ASIC2: variants seen among roughly 807,000 people sequenced by gnomAD.
The protein encoded by ASIC2 is acid sensing ion channel subunit 2.
ASIC2 carries 25 observed loss-of-function variants against 57.3 expected under a neutral mutation model. The observed-to-expected ratio is 0.44, with a 90% CI of 0.32 to 0.61. The LOEUF (loss-of-function observed/expected upper bound fraction) is 0.61, where lower values mean the gene tolerates loss of function less well. Ranked by LOEUF, ASIC2 falls within the 20% of genes least tolerant of loss-of-function variation. The pLI is 0.06. For synonymous variants in ASIC2, 319 were observed against 307.5 expected (o/e 1.04, Z -0.39); for missense variants, 641 against 738.1 (o/e 0.87, Z 1.52).
At chr17:34,099,721 A>G (rs1382666210) in intron 1 of ASIC2, among the ~76,000 whole-genome samples, 5 of 123,314 alleles carry the variant, frequency 4.1e-5, no homozygotes, top group African/African-American at 1.2e-4. Context: ...AAAGAAAGAA[A>G]GAAGGAAAGA....
intron 1 of ASIC2, among the ~76,000 whole-genome samples, chr17:34,085,447 T>G (rs1442578848): frequency 6.6e-6 from 1 of 152,236 alleles, no homozygotes; most frequent in Non-Finnish European, 1.5e-5. Context: ...TGCCAGTATT[T>G]TATTGACGAT....
At chr17:33,394,852 A>G (rs1910020122) in intron 1 of ASIC2, among the ~76,000 whole-genome samples, 1 of 152,090 alleles carries the variant, frequency 6.6e-6, no homozygotes, top group Non-Finnish European at 1.5e-5. Flanking sequence ...AAAAGACTAA[A>G]TTTCTACTCT....
intron 1 of ASIC2, among the ~76,000 whole-genome samples, chr17:33,913,928 A>C (rs1337316286): frequency 6.6e-6 from 1 of 152,210 alleles, no homozygotes; most frequent in African/African-American, 2.4e-5. Flanking sequence ...CATTAATTCT[A>C]TTTTATAAAT....
chr17:33,397,547 A>G (rs1027360437), intron 1 of ASIC2, among the ~76,000 whole-genome samples: 2 of 152,170 alleles, frequency 1.3e-5, no homozygotes, highest in Non-Finnish European at 2.9e-5. Flanking sequence ...ACTTAGAAGA[A>G]TGATATAGAC....
At chr17:34,068,323 T>C (rs1909249894) in intron 1 of ASIC2, among the ~76,000 whole-genome samples, 1 of 152,144 alleles carries the variant, frequency 6.6e-6, no homozygotes, top group Non-Finnish European at 1.5e-5. Flanking sequence ...TTTTTCTGGG[T>C]TACAGGGAAG....
At chr17:33,053,587 C>T (rs2141930987) in intron 3 of ASIC2, among the ~76,000 whole-genome samples, 1 of 152,294 alleles carries the variant, frequency 6.6e-6, no homozygotes, top group East Asian at 1.9e-4. Flanking sequence ...CTTAACTGGC[C>T]TTTGTCTCGT....
rs139826123 is a variant in ASIC2 at position 33,330,437 on chromosome 17, G to A, written c.556-218370C>T. Among the ~76,000 whole-genome samples, 41 of 152,250 alleles carry A rather than the reference G, an allele frequency of 2.7e-4. No homozygotes were observed. In the South Asian group the frequency reaches 2.9e-3, roughly 11 times the overall value. ...CCAGGATCAGAAGAATAAAGTCTGC[G>A]TGTATTGAGCCAGTCTCTGTACACA... is the stretch of plus-strand genomic sequence containing the variant. On this transcript the variant is annotated intron_variant, in intron 1 of 9. Transcript: ENST00000359872.
intron 1 of ASIC2, among the ~76,000 whole-genome samples, chr17:33,225,662 G>A (rs1907851129): frequency 6.6e-6 from 1 of 152,274 alleles, no homozygotes; most frequent in Non-Finnish European, 1.5e-5. Context: ...AAGTGAAAAG[G>A]GTCACCAGAT....
At chr17:33,358,226 T>C (rs143718942) in intron 1 of ASIC2, among the ~76,000 whole-genome samples, 1 of 152,362 alleles carries the variant, frequency 6.6e-6, no homozygotes, top group African/African-American at 2.4e-5. Context: ...TTTGTTTGTA[T>C]ATATTTTTGG....
At chr17:34,054,499 T>C (rs1908689586) in intron 1 of ASIC2, among the ~76,000 whole-genome samples, 2 of 152,174 alleles carry the variant, frequency 1.3e-5, no homozygotes, top group Admixed American at 6.5e-5. Context: ...AAGGACCAGC[T>C]GCTAAACTCA....
intron 1 of ASIC2, among the ~76,000 whole-genome samples, chr17:33,558,559 A>G (rs7217814): frequency 0.57 from 85,627 of 151,518 alleles, 25,306 homozygotes; most frequent in African/African-American, 0.75. Context: ...ATTAGAATAC[A>G]TCTAGTGTAG....
chr17:33,614,545 A>G (rs1905530817), intron 1 of ASIC2, among the ~76,000 whole-genome samples: 1 of 152,270 alleles, frequency 6.6e-6, no homozygotes, highest in African/African-American at 2.4e-5. Context: ...TGCATCGCCA[A>G]GGGGCTAGAT....
Position 33,023,988 on chromosome 17 carries a change from A to G in ASIC2, c.1222T>C (p.Tyr408His). ...TTGCAGGGTGTCCTGCAGAGACAGT[A>G]ATTGCTGTCCTTTTCCGCCAACAGA... The part of the protein sequence containing the change: ...LGLLAEKDSN[Y>H]CLCRTPCNLT... Residue 408 changes from tyrosine to histidine, a missense_variant, in exon 6 of 10, where the codon TAC becomes CAC. Physicochemically the swap from Tyr to His is moderately conservative, Grantham distance 83 (BLOSUM62 2). Coordinates refer to ENST00000225823, the MANE Select transcript of ASIC2 (RefSeq NM_183377.2). 6.2e-7 allele frequency: 1 copy of G among 1,614,114 alleles called. No individual in the cohort carries two copies. Among genetic ancestry groups the G allele is most frequent in the Non-Finnish European group, 8.5e-7 (1 of 1,180,010 alleles).
intron 3 of ASIC2, among the ~76,000 whole-genome samples, chr17:33,043,325 C>T (rs939500625): frequency 6.6e-6 from 1 of 152,262 alleles, no homozygotes; most frequent in Non-Finnish European, 1.5e-5. Context: ...CACAAGGCTA[C>T]TGGCTGGGGG....
At chr17:33,747,567 C>G (rs1349282168) in intron 1 of ASIC2, among the ~76,000 whole-genome samples, 3 of 152,146 alleles carry the variant, frequency 2.0e-5, no homozygotes, top group Non-Finnish European at 4.4e-5. Context: ...GTTGTTTATG[C>G]TTTGCTTCTT....
chr17:33,640,302 G>A (rs922595757), intron 1 of ASIC2, among the ~76,000 whole-genome samples: 2 of 152,164 alleles, frequency 1.3e-5, no homozygotes, highest in African/African-American at 4.8e-5. Flanking sequence ...AGAGCAACAA[G>A]GGATGAGGGG....
chr17:33,457,449 CA>C (rs2141993735), intron 1 of ASIC2, among the ~76,000 whole-genome samples: 1 of 152,264 alleles, frequency 6.6e-6, no homozygotes, highest in South Asian at 2.1e-4. Context: ...GATTTCAAGA[CA>C]ATTTATCACC....
chr17:33,798,588 T>C (rs1433791040), intron 1 of ASIC2, among the ~76,000 whole-genome samples: 1 of 152,144 alleles, frequency 6.6e-6, no homozygotes, highest in African/African-American at 2.4e-5. Context: ...GGGAGTAGGG[T>C]TGGCTTTGCT....
chr17:33,745,059 C>A (rs529161239), intron 1 of ASIC2, among the ~76,000 whole-genome samples: 1 of 152,092 alleles, frequency 6.6e-6, no homozygotes, highest in African/African-American at 2.4e-5. Context: ...GAGAAATGTG[C>A]GATACATTTA....
Sources: gnomAD v4.1 joint callset for allele counts (sites outside exome capture counted in the v4.1 genomes callset) on GRCh38, gnomAD v4.1.1 for gene constraint, MANE v1.5 for transcripts, NCBI Gene and HGNC (gene_info 2026-07-23, HGNC 2026-07-21) for gene names.